PARD3: variants seen among roughly 807,000 people sequenced by gnomAD.
The protein encoded by PARD3 is par-3 family cell polarity regulator, also known as partitioning defective 3 homolog.
Under a neutral mutation model 155.4 loss-of-function variants are expected in PARD3, and 75 were observed. The observed-to-expected ratio is 0.48, with a 90% CI of 0.40 to 0.58. The LOEUF (loss-of-function observed/expected upper bound fraction) is 0.58, where lower values mean the gene tolerates loss of function less well. Among genes scored for constraint, PARD3 ranks in the 20% least tolerant of loss-of-function variants. The pLI is 0.00. For synonymous variants in PARD3, 576 were observed against 610.5 expected (o/e 0.94, Z 0.83); for missense variants, 1,642 against 1,721.7 (o/e 0.95, Z 0.82).
chr10:34,639,520 C>A (rs1346796464), intron 2 of PARD3, among the ~76,000 whole-genome samples: 3 of 152,120 alleles, frequency 2.0e-5, no homozygotes, highest in African/African-American at 7.2e-5. Context: ...TCAGCTTTAC[C>A]ACTCACTAAT....
chr10:34,603,077 A>C (rs2089930808), intron 2 of PARD3, among the ~76,000 whole-genome samples: 1 of 152,230 alleles, frequency 6.6e-6, no homozygotes, highest in South Asian at 2.1e-4. Flanking sequence ...TAAGGGAAAG[A>C]AGAAAGTACA....
At chr10:34,318,329 A>G (rs1410143441) in intron 19 of PARD3, among the ~76,000 whole-genome samples, 1 of 152,172 alleles carries the variant, frequency 6.6e-6, no homozygotes, top group Non-Finnish European at 1.5e-5. Flanking sequence ...TCCAAATACA[A>G]TGAGAATTAT....
intron 7 of PARD3, among the ~76,000 whole-genome samples, chr10:34,393,334 CT>C (rs1843010590): frequency 6.6e-6 from 1 of 152,008 alleles, no homozygotes; most frequent in Non-Finnish European, 1.5e-5. Flanking sequence ...AATCCATGCA[CT>C]TTGGGAGGAC....
At chr10:34,587,091 A>G (rs76742184) in intron 2 of PARD3, among the ~76,000 whole-genome samples, 10,951 of 152,200 alleles carry the variant, frequency 0.072, 416 homozygotes, top group Middle Eastern at 0.092. Flanking sequence ...ATGAAAATAT[A>G]AGCCACTGAG....
At chr10:34,252,753 T>C (rs780318530) in intron 22 of PARD3, among the ~76,000 whole-genome samples, 1 of 147,644 alleles carries the variant, frequency 6.8e-6, no homozygotes, top group Non-Finnish European at 1.5e-5. Flanking sequence ...TGTGTGTATG[T>C]ATGTCTATAT....
chr10:34,719,742 C>G (rs921997310), intron 1 of PARD3, among the ~76,000 whole-genome samples: 4 of 152,188 alleles, frequency 2.6e-5, no homozygotes, highest in African/African-American at 9.6e-5. Context: ...AATTTATGAA[C>G]TTTAAGTTCA....
chr10:34,787,541 T>A (rs998487910), intron 1 of PARD3, among the ~76,000 whole-genome samples: 1 of 152,116 alleles, frequency 6.6e-6, no homozygotes, highest in Non-Finnish European at 1.5e-5. Flanking sequence ...CTGGTCTCAG[T>A]AAGGCTGCAG....
chr10:34,733,100 C>T (rs1306612585), intron 1 of PARD3, among the ~76,000 whole-genome samples: 1 of 152,180 alleles, frequency 6.6e-6, no homozygotes, highest in East Asian at 1.9e-4. Context: ...AAACAAGAAG[C>T]TCACCTCTAT....
intron 4 of PARD3, among the ~76,000 whole-genome samples, chr10:34,468,436 C>A (rs2078143897): frequency 6.6e-6 from 1 of 152,142 alleles, no homozygotes; most frequent in Admixed American, 6.5e-5. Context: ...TTTTAAACTG[C>A]CAGCTTGACT....
intron 1 of PARD3, among the ~76,000 whole-genome samples, chr10:34,722,306 T>C (rs934521472): frequency 1.3e-5 from 2 of 152,170 alleles, no homozygotes; most frequent in African/African-American, 4.8e-5. Flanking sequence ...CAGTAACAAA[T>C]AAGATTTGCC....
At chr10:34,202,569 A>G (rs1951268902) in intron 22 of PARD3, among the ~76,000 whole-genome samples, 1 of 152,232 alleles carries the variant, frequency 6.6e-6, no homozygotes, top group Non-Finnish European at 1.5e-5. Context: ...ACTTCACCAC[A>G]TCACACAGAT....
chr10:34,134,023 T>C (rs766537967), intron 22 of PARD3, among the ~76,000 whole-genome samples: 8 of 152,224 alleles, frequency 5.3e-5, no homozygotes, highest in Non-Finnish European at 1.0e-4. Flanking sequence ...GGTCTGTAAA[T>C]TGGGCTGCTT....
At chr10:34,235,111 C>A (rs1048627998) in intron 22 of PARD3, among the ~76,000 whole-genome samples, 23 of 152,158 alleles carry the variant, frequency 1.5e-4, no homozygotes, top group Non-Finnish European at 2.9e-4. Context: ...AAATATTCTA[C>A]AATTCAGATT....
intron 14 of PARD3, among the ~76,000 whole-genome samples, chr10:34,349,528 G>A (rs894211612): frequency 1.4e-3 from 93 of 67,204 alleles, no homozygotes; most frequent in African/African-American, 4.6e-3. Context: ...AGAAATAAAA[G>A]AACAGTTTCT....
chr10:34,599,435 T>A (rs2089581538), intron 2 of PARD3, among the ~76,000 whole-genome samples: 1 of 152,202 alleles, frequency 6.6e-6, no homozygotes, highest in African/African-American at 2.4e-5. Flanking sequence ...TGGAAGATTA[T>A]GACAGAACAG....
At chr10:34,551,894 A>C (rs896511612) in intron 2 of PARD3, among the ~76,000 whole-genome samples, 1 of 152,220 alleles carries the variant, frequency 6.6e-6, no homozygotes, top group Middle Eastern at 3.2e-3. Context: ...GACAAAAAAA[A>C]TCTCATAGAC....
chr10:34,790,458 CCT>C (rs1053825942), intron 1 of PARD3, among the ~76,000 whole-genome samples: 124 of 152,294 alleles, frequency 8.1e-4, no homozygotes, highest in Middle Eastern at 3.4e-3. Context: ...CTGCTCTCCC[CCT>C]GATAAGGCTA....
intron 22 of PARD3, among the ~76,000 whole-genome samples, chr10:34,158,918 G>A (rs1310547091): frequency 6.6e-6 from 1 of 152,192 alleles, no homozygotes; most frequent in Non-Finnish European, 1.5e-5. Flanking sequence ...GAAAGGCTTT[G>A]GGACAAGTCA....
chr10:34,340,020 G>T (rs1184217996), intron 16 of PARD3, among the ~76,000 whole-genome samples: 2 of 152,124 alleles, frequency 1.3e-5, no homozygotes, highest in African/African-American at 4.8e-5. Flanking sequence ...GATATTGTCA[G>T]GCTGGAAAAG....
Sources: gnomAD v4.1 joint callset for allele counts (sites outside exome capture counted in the v4.1 genomes callset) on GRCh38, gnomAD v4.1.1 for gene constraint, MANE v1.5 for transcripts, NCBI Gene and HGNC (gene_info 2026-07-23, HGNC 2026-07-21) for gene names.